Variants in NEDD9 observed in about 807,000 individuals in gnomAD.
The protein encoded by NEDD9 is neural precursor cell expressed, developmentally down-regulated 9.
Under a neutral mutation model 76.6 loss-of-function variants are expected in NEDD9, and 26 were observed. The observed-to-expected ratio is 0.34, with a 90% CI of 0.25 to 0.47. NEDD9 has a LOEUF of 0.47. NEDD9 is among the 20% of genes least tolerant of loss of function. The probability of loss-of-function intolerance (pLI) is 1.00; values close to 1 mark genes in which losing one functional copy is unlikely to be tolerated. For synonymous variants in NEDD9, 392 were observed against 414.2 expected (o/e 0.95, Z 0.65); for missense variants, 937 against 1,058.5 (o/e 0.89, Z 1.59).
At chr6:11,362,161 A>C (rs893743563) in intron 1 of NEDD9, among the ~76,000 whole-genome samples, 1 of 152,258 alleles carries the variant, frequency 6.6e-6, no homozygotes, top group Non-Finnish European at 1.5e-5. Flanking sequence ...GTTATGAAAG[A>C]GATCCCAGAG....
At chr6:11,196,399 A>G (rs1758295340) in intron 2 of NEDD9, among the ~76,000 whole-genome samples, 1 of 152,200 alleles carries the variant, frequency 6.6e-6, no homozygotes, top group African/African-American at 2.4e-5. Context: ...ACTAGGTGAC[A>G]TATAAACACA....
At chr6:11,199,079 C>G (rs1184197327) in intron 2 of NEDD9, 1 of 152,232 alleles carries the variant, frequency 6.6e-6, no homozygotes, top group East Asian at 1.9e-4. Flanking sequence ...TTCTTCTTAA[C>G]CACAAGCCAG....
intron 3 of NEDD9, among the ~76,000 whole-genome samples, chr6:11,245,085 G>A (rs1005841079): frequency 6.6e-6 from 1 of 152,152 alleles, no homozygotes; most frequent in Non-Finnish European, 1.5e-5. Flanking sequence ...GAGATTATAG[G>A]CACTCAGTCA....
intron 3 of NEDD9, among the ~76,000 whole-genome samples, chr6:11,258,173 T>G (rs1760041930): frequency 6.6e-6 from 1 of 152,150 alleles, no homozygotes; most frequent in Admixed American, 6.5e-5. Context: ...ATAGCATACT[T>G]AAGAGTTGAT....
intron 2 of NEDD9, among the ~76,000 whole-genome samples, chr6:11,204,737 A>G (rs1172961575): frequency 1.5e-5 from 2 of 133,720 alleles, no homozygotes; most frequent in Non-Finnish European, 3.1e-5. Flanking sequence ...AAAAAAAAAA[A>G]GAAAGAAAGA....
At chr6:11,365,570 A>T (rs888704948) in intron 1 of NEDD9, among the ~76,000 whole-genome samples, 4 of 152,244 alleles carry the variant, frequency 2.6e-5, no homozygotes, top group African/African-American at 9.6e-5. Context: ...ACATTAATTG[A>T]AATCAACAAG....
At chr6:11,319,575 T>A (rs1761706387) in intron 2 of NEDD9, among the ~76,000 whole-genome samples, 1 of 127,526 alleles carries the variant, frequency 7.8e-6, no homozygotes, top group South Asian at 2.5e-4. Context: ...CACACTAATA[T>A]GCACTCACAC....
intron 1 of NEDD9, among the ~76,000 whole-genome samples, chr6:11,338,444 G>T (rs1269072733): frequency 1.3e-5 from 2 of 152,152 alleles, no homozygotes; most frequent in Non-Finnish European, 2.9e-5. Flanking sequence ...CACTCAGTTT[G>T]TGTTTTTGTT....
chr6:11,319,529 C>T (rs1761699960), intron 2 of NEDD9, among the ~76,000 whole-genome samples: 1 of 143,900 alleles, frequency 6.9e-6, no homozygotes, highest in Non-Finnish European at 1.5e-5. Context: ...TGCACACTCA[C>T]ACTAACATGC....
intron 1 of NEDD9, among the ~76,000 whole-genome samples, chr6:11,364,781 C>T (rs1265085083): frequency 6.6e-6 from 1 of 152,194 alleles, no homozygotes; most frequent in Non-Finnish European, 1.5e-5. Context: ...CGCCATCCCA[C>T]TAACAAGCAG....
At chr6:11,325,917 G>A (rs532581679) in intron 2 of NEDD9, among the ~76,000 whole-genome samples, 3 of 152,186 alleles carry the variant, frequency 2.0e-5, no homozygotes, top group South Asian at 2.1e-4. Flanking sequence ...AGGCCGAGGC[G>A]GGCGGATCAC....
At chr6:11,325,424 T>C (rs574670769) in intron 2 of NEDD9, among the ~76,000 whole-genome samples, 7 of 152,110 alleles carry the variant, frequency 4.6e-5, no homozygotes, top group Non-Finnish European at 8.8e-5. Flanking sequence ...TTGTGCAGCA[T>C]TTTCCACTGT....
intron 2 of NEDD9, among the ~76,000 whole-genome samples, chr6:11,328,095 G>C (rs1295942632): frequency 6.6e-6 from 1 of 152,230 alleles, no homozygotes; most frequent in Non-Finnish European, 1.5e-5. Flanking sequence ...GGTAGTACTA[G>C]CATTCTAGTT....
In NEDD9 at chr6:11,291,267, G is replaced by GTTTTTT. The variant is rs869185428; in HGVS notation, c.12+14719_12+14724dup. 3.3e-3 allele frequency among the ~76,000 whole-genome samples: 320 copies of GTTTTTT among 95,830 alleles called. 21 individuals carry two copies. The highest frequency in any genetic ancestry group is 0.014 in the African/African-American group (284 of 19,828). 62.9% of individuals were successfully genotyped at this position (95,830 alleles called of 152,430 possible). ...GAGCACAGGGCAGAAATAGAATGAG[G>GTTTTTT]TTTTTTTTTTTTTTTTTTTTTTTTT... On this transcript the variant is annotated intron_variant, in intron 3 of 3. Coordinates refer to the NEDD9 transcript ENST00000397378.
rs550550120 is a variant in NEDD9, at chr6:11,224,782, A to G, written c.12+7722T>C. Among the ~76,000 whole-genome samples the G allele has an allele frequency of 1.2e-4, 19 of 152,224 alleles. No individual in the cohort carries two copies. The South Asian group carries it at 3.7e-3, about 30-fold the overall frequency. The stretch of plus-strand genomic sequence containing the variant: ...GGCGGAGGGTGTTGGGGGGCAGAAA[A>G]GCCCAGCTCATTCTTAAAGAGTCCT... On this transcript the variant is annotated intron_variant, in intron 1 of 6. Transcript: ENST00000379446.
upstream of NEDD9, chr6:11,233,435 G>A (rs1180996481): frequency 3.9e-6 from 2 of 518,886 alleles, no homozygotes; most frequent in South Asian, 2.8e-5. Flanking sequence ...GATGGGGTTG[G>A]CCAGTGCACG....
chr6:11,319,966 G>A (rs1761749219), intron 2 of NEDD9, among the ~76,000 whole-genome samples: 1 of 151,742 alleles, frequency 6.6e-6, no homozygotes, highest in Non-Finnish European at 1.5e-5. Context: ...GAATAGAAGA[G>A]AGGAAAAAAA....
At chr6:11,279,919 A>C (rs1760500739) in intron 3 of NEDD9, among the ~76,000 whole-genome samples, 1 of 152,160 alleles carries the variant, frequency 6.6e-6, no homozygotes, top group Non-Finnish European at 1.5e-5. Context: ...GAAAACAAAG[A>C]TGTCCCAGAG....
intron 3 of NEDD9, among the ~76,000 whole-genome samples, chr6:11,300,793 CT>C (rs767176013): frequency 2.6e-5 from 4 of 152,142 alleles, no homozygotes; most frequent in Non-Finnish European, 5.9e-5. Flanking sequence ...AAATAAAATC[CT>C]TTATAGACAA....
Sources: allele counts gnomAD v4.1 joint callset (sites outside exome capture counted in the v4.1 genomes callset), GRCh38; gene constraint gnomAD v4.1.1; transcripts MANE v1.5; gene names NCBI Gene and HGNC (gene_info 2026-07-23, HGNC 2026-07-21).